PCLO: variants seen among roughly 807,000 people sequenced by gnomAD.
The protein encoded by PCLO is piccolo presynaptic cytomatrix protein, also known as protein piccolo.
PCLO carries 82 observed loss-of-function variants against 427.5 expected under a neutral mutation model. That is an observed-to-expected ratio of 0.19 (90% CI 0.16 to 0.23). The LOEUF (loss-of-function observed/expected upper bound fraction) is 0.23, where lower values mean the gene tolerates loss of function less well. PCLO is among the 10% of genes least tolerant of loss of function. The probability of loss-of-function intolerance (pLI) is 1.00; values close to 1 mark genes in which losing one functional copy is unlikely to be tolerated. For missense variants in PCLO, 6,239 were observed against 6,115.9 expected, an observed-to-expected ratio of 1.02 and a Z score of -0.67; for synonymous variants, 2,357 against 2,155.4, an observed-to-expected ratio of 1.09 and a Z score of -2.59.
intron 3 of PCLO, among the ~76,000 whole-genome samples, chr7:83,077,168 G>A (rs1474244932): frequency 6.6e-6 from 1 of 151,996 alleles, no homozygotes; most frequent in East Asian, 1.9e-4. Flanking sequence ...ATAGAGTATA[G>A]CAAAGAAGTG....
At chr7:82,846,288 G>GA (rs1469420373) in intron 12 of PCLO, among the ~76,000 whole-genome samples, 1 of 152,078 alleles carries the variant, frequency 6.6e-6, no homozygotes, top group Non-Finnish European at 1.5e-5. Context: ...CATATTTAAA[G>GA]AATTAAAACT....
chr7:82,841,559 A>C (rs201157624), intron 13 of PCLO, 50 bp from the exon 14 acceptor site: 18 of 1,137,366 alleles, frequency 1.6e-5, no homozygotes, highest in African/African-American at 3.1e-5. Context: ...TTTTTCACAT[A>C]ATTTATCATT....
At chr7:83,046,935 A>T (rs77470192) in intron 3 of PCLO, among the ~76,000 whole-genome samples, 41,068 of 151,884 alleles carry the variant, frequency 0.27, 5,830 homozygotes, top group Middle Eastern at 0.35. Context: ...ATGAGACAAC[A>T]AACTTATTGA....
chr7:83,068,574 G>A (rs906564962), intron 3 of PCLO, among the ~76,000 whole-genome samples: 4 of 151,952 alleles, frequency 2.6e-5, no homozygotes, highest in African/African-American at 4.8e-5. Context: ...TCAAAATTAC[G>A]AATAAGATAT....
intron 17 of PCLO, among the ~76,000 whole-genome samples, chr7:82,827,636 G>C (rs182922577): frequency 6.6e-6 from 1 of 152,092 alleles, no homozygotes; most frequent in Admixed American, 6.5e-5. Context: ...TATTCCACTA[G>C]TTTTCTTATT....
intron 3 of PCLO, among the ~76,000 whole-genome samples, chr7:83,068,430 AC>A (rs1789723014): frequency 6.6e-6 from 1 of 151,958 alleles, no homozygotes; most frequent in Admixed American, 6.6e-5. Context: ...CAAACAAAAA[AC>A]CCCCCAGATA....
chr7:82,991,101 GT>G (rs1273409605), intron 3 of PCLO, among the ~76,000 whole-genome samples: 1 of 152,018 alleles, frequency 6.6e-6, no homozygotes, highest in East Asian at 1.9e-4. Context: ...AAACAATAAT[GT>G]TCTAAGAATT....
chr7:82,879,266 G>A, intron 10 of PCLO, 71 bp downstream of exon 10: 1 of 1,290,366 alleles, frequency 7.7e-7, no homozygotes, highest in Non-Finnish European at 1.1e-6. Flanking sequence ...GAGAACATTT[G>A]CATATTAAAT....
At chr7:83,070,523 G>A (rs530005887) in intron 3 of PCLO, among the ~76,000 whole-genome samples, 2 of 151,768 alleles carry the variant, frequency 1.3e-5, no homozygotes, top group African/African-American at 2.4e-5. Flanking sequence ...GAGTAGCTGC[G>A]ACTACAGGTG....
At chr7:83,007,734 T>C (rs1787983736) in intron 3 of PCLO, among the ~76,000 whole-genome samples, 1 of 151,562 alleles carries the variant, frequency 6.6e-6, no homozygotes, top group Non-Finnish European at 1.5e-5. Context: ...CCATCACTTA[T>C]GGTTATGAAA....
chr7:83,157,569 G>T (rs1008225608), intron 1 of PCLO, among the ~76,000 whole-genome samples: 1 of 151,532 alleles, frequency 6.6e-6, no homozygotes, highest in African/African-American at 2.4e-5. Context: ...AATGACTATG[G>T]TTAAATAATT....
chr7:82,852,455 CCTT>C (rs1487410657), intron 10 of PCLO, among the ~76,000 whole-genome samples: 23 of 152,182 alleles, frequency 1.5e-4, no homozygotes, highest in African/African-American at 4.8e-4. Flanking sequence ...AGTCTTCCGG[CCTT>C]CATCTTTCTC....
At chr7:82,948,247 C>T (rs1795248746) in intron 6 of PCLO, among the ~76,000 whole-genome samples, 2 of 151,758 alleles carry the variant, frequency 1.3e-5, no homozygotes, top group South Asian at 2.1e-4. Context: ...CTATTACCTC[C>T]CTCCTTGACA....
Position 83,155,941 on chromosome 7 carries a change from C to T in PCLO, c.700G>A (p.Gly234Ser). Residue 234 changes from glycine (G) to serine (S), a missense_variant, in exon 2 of 25, where the codon GGC becomes AGC. Physicochemically the swap from Gly to Ser is moderately conservative, Grantham distance 56 (BLOSUM62 0). This residue lies in a region of PCLO where 4,677 missense variants were observed against 4,468.4 expected (regional missense o/e 1.05). Coordinates refer to ENST00000333891, the MANE Select transcript of PCLO (RefSeq NM_033026.6). ...TGAGAAGATATTGATTTGGGAGTGC[C>T]ATCCTGCTGAAGCGGATCCCTACCA... ...GPGRDPLQQD[G>S]TPKSISSQQP... is the part of the protein sequence containing the mutation. 1 of 1,613,772 alleles carries T rather than the reference C, an allele frequency of 6.2e-7. No homozygotes were observed. Among genetic ancestry groups the T allele is most frequent in the Non-Finnish European group, 8.5e-7 (1 of 1,179,836 alleles).
chr7:82,971,127 C>T (rs1795893179), intron 3 of PCLO, among the ~76,000 whole-genome samples: 2 of 151,692 alleles, frequency 1.3e-5, no homozygotes, highest in African/African-American at 4.8e-5. Context: ...ATAGCCACAC[C>T]ATGACATTTT....
At chr7:82,828,096 C>A in intron 16 of PCLO, 130 bp from the exon 17 acceptor site, 1 of 630,324 alleles carries the variant, frequency 1.6e-6, no homozygotes, top group Non-Finnish European at 2.8e-6. Flanking sequence ...TCTCATCATC[C>A]TCATGTCTTA....
chr7:83,090,131 GT>G (rs1790341834), intron 3 of PCLO, among the ~76,000 whole-genome samples: 1 of 152,056 alleles, frequency 6.6e-6, no homozygotes, highest in African/African-American at 2.4e-5. Flanking sequence ...GGTAAACCCT[GT>G]CTCTACTAAA....
At chr7:82,806,582 A>G (rs1436139828) in intron 20 of PCLO, among the ~76,000 whole-genome samples, 1 of 152,210 alleles carries the variant, frequency 6.6e-6, no homozygotes, top group African/African-American at 2.4e-5. Flanking sequence ...TGCAAAAAGA[A>G]GGAAGATAAG....
chr7:82,985,875 T>C (rs555248111), intron 3 of PCLO, among the ~76,000 whole-genome samples: 11 of 152,124 alleles, frequency 7.2e-5, no homozygotes, highest in Non-Finnish European at 1.5e-4. Context: ...TACTGTTGTC[T>C]AGTCTCATGC....
Sources: allele counts gnomAD v4.1 joint callset (sites outside exome capture counted in the v4.1 genomes callset), GRCh38; gene constraint gnomAD v4.1.1; regional missense constraint gnomAD v4.1.1; transcripts MANE v1.5; gene names NCBI Gene and HGNC (gene_info 2026-07-23, HGNC 2026-07-21).